ATP6V1B2: variants seen among roughly 807,000 people sequenced by gnomAD.
The protein encoded by ATP6V1B2 is ATPase H+ transporting V1 subunit B2, also known as V-type proton ATPase subunit B, brain isoform.
ATP6V1B2 carries 23 observed loss-of-function variants against 66.7 expected under a neutral mutation model. That is an observed-to-expected ratio of 0.34 (90% CI 0.25 to 0.49). The LOEUF is 0.49. Among genes scored for constraint, ATP6V1B2 ranks in the 20% least tolerant of loss-of-function variants. The pLI is 0.99. For synonymous variants in ATP6V1B2, 278 were observed against 236.7 expected (o/e 1.17, Z -1.60); for missense variants, 478 against 650.8 (o/e 0.73, Z 2.89).
At chr8:20,198,373 G>A (rs1296149985) in intron 1 of ATP6V1B2, among the ~76,000 whole-genome samples, 1 of 152,226 alleles carries the variant, frequency 6.6e-6, no homozygotes, top group Admixed American at 6.5e-5. Flanking sequence ...TTGCCCATAG[G>A]TGGTGTGTGT....
At chr8:20,218,103 G>T in intron 12 of ATP6V1B2, 50 bp from the exon 13 acceptor site, 1 of 1,598,410 alleles carries the variant, frequency 6.3e-7, no homozygotes, top group South Asian at 1.1e-5. Context: ...CCAGATGACT[G>T]AACATTTTGA....
chr8:20,211,181 G>A lies in ATP6V1B2; in HGVS notation c.468G>A (p.Gln156=), dbSNP rs1290633052. 3 of 1,611,262 alleles carry A rather than the reference G, an allele frequency of 1.9e-6. No homozygotes were observed. Among genetic ancestry groups the A allele is most frequent in the Admixed American group, 3.4e-5 (2 of 59,070 alleles). The change falls in exon 6 of 14, where the codon CAG becomes CAA. Residue 156 remains glutamine, a synonymous_variant. Coordinates refer to ENST00000276390, the MANE Select transcript of ATP6V1B2 (RefSeq NM_001693.4). ...TCCTTTTTGGAAATACATTAGGTCA[G>A]CCAATCAACCCTCAATGTCGAATCT... The part of the protein sequence containing the change: ...LAEDFLDIMG[Q]PINPQCRIYP...
At chr8:20,214,358 T>C (rs2072828637) in intron 9 of ATP6V1B2, 2 of 152,466 alleles carry the variant, frequency 1.3e-5, no homozygotes, top group African/African-American at 4.8e-5. Context: ...ATAGGGTTGC[T>C]GTGAGGATTA....
intron 11 of ATP6V1B2, 168 bp downstream of exon 11, chr8:20,216,663 G>C: frequency 1.8e-6 from 1 of 549,038 alleles, no homozygotes; most frequent in East Asian, 3.2e-5. Context: ...TCTGGTGTCG[G>C]CAGAGCGCCA....
At chr8:20,203,570 T>C (rs191128190) in intron 1 of ATP6V1B2, among the ~76,000 whole-genome samples, 3 of 152,218 alleles carry the variant, frequency 2.0e-5, no homozygotes, top group East Asian at 1.9e-4. Flanking sequence ...TTAGGCCTTA[T>C]AGTAAATTTT....
intron 1 of ATP6V1B2, among the ~76,000 whole-genome samples, chr8:20,199,979 A>T (rs1469527205): frequency 7.4e-6 from 1 of 135,184 alleles, no homozygotes; most frequent in African/African-American, 2.9e-5. Flanking sequence ...TTAAGGGGAC[A>T]TGTAATTATA....
chr8:20,210,219 CATT>C, intron 3 of ATP6V1B2, 124 bp from the exon 4 acceptor site: 1 of 738,708 alleles, frequency 1.4e-6, no homozygotes, highest in Non-Finnish European at 2.1e-6. Context: ...TTTCTTTGCT[CATT>C]ATATCAAAAG....
chr8:20,204,470 G>T lies in ATP6V1B2; in HGVS notation c.137-14G>T, dbSNP rs756828947. On this transcript the variant is annotated splice_polypyrimidine_tract_variant and intron_variant, in intron 1 of 13. Coordinates refer to ENST00000276390, the MANE Select transcript of ATP6V1B2 (RefSeq NM_001693.4). ...CTATTTGACTAAAACTGACTCTTCT[G>T]TATTTCTTTCCAGCATACAAGACAG... 2 of 1,609,524 alleles carry T rather than the reference G, an allele frequency of 1.2e-6. No individual in the cohort carries two copies. Among genetic ancestry groups the T allele is most frequent in the South Asian group, 2.2e-5 (2 of 90,646 alleles).
intron 1 of ATP6V1B2, among the ~76,000 whole-genome samples, chr8:20,200,669 T>C (rs2072677016): frequency 6.6e-6 from 1 of 152,222 alleles, no homozygotes; most frequent in Non-Finnish European, 1.5e-5. Context: ...CATAGAGCTT[T>C]CGGGTGCTAT....
At chr8:20,209,630 G>C (rs374387492) in intron 3 of ATP6V1B2, 99 bp downstream of exon 3, 2 of 1,138,244 alleles carry the variant, frequency 1.8e-6, no homozygotes, top group African/African-American at 3.1e-5. Context: ...AGTGTTTTTA[G>C]AGTCTTTAGA....
rs780946108 is a variant in ATP6V1B2, at chr8:20,220,351, C to T, written c.1485C>T (p.Ile495=). ...RIFPKEMLKR[I]PQSTLSEFYP... Reference sequence around the variant, plus strand: ...TCCCCAAAGAAATGCTGAAGAGAATCCCTCAGAGCACCCTCAGCGAATTTT... The same window carrying T: ...TCCCCAAAGAAATGCTGAAGAGAATTCCTCAGAGCACCCTCAGCGAATTTT... Residue 495 remains isoleucine, a synonymous_variant, in exon 14 of 14, where the codon ATC becomes ATT. Transcript: ENST00000276390. 5.0e-6 allele frequency: 8 copies of T among 1,596,904 alleles called. No homozygotes were observed. Among genetic ancestry groups the T allele is most frequent in the Admixed American group, 1.8e-5 (1 of 55,584 alleles).
Position 20,216,459 on chromosome 8 carries a change from G to A in ATP6V1B2, c.1125G>A (p.Gly375=). Residue 375 remains glycine (G), a synonymous_variant, in exon 11 of 14, where the codon GGG becomes GGA. Coordinates refer to ENST00000276390, the MANE Select transcript of ATP6V1B2 (RefSeq NM_001693.4). ...IPDLTGYITE[G]QIYVDRQLHN... is the part of the protein sequence containing the mutation. ...ACTTGACTGGCTACATTACAGAGGGGCAGATCTATGTGGACAGACAGCTGC... is the reference window on the plus strand; with the variant it reads ...ACTTGACTGGCTACATTACAGAGGGACAGATCTATGTGGACAGACAGCTGC... 2 of 1,613,258 alleles carry A rather than the reference G, an allele frequency of 1.2e-6. No individual in the cohort carries two copies. The highest frequency in any genetic ancestry group is 1.7e-6 in the Non-Finnish European group (2 of 1,179,526).
rs368775209 is a variant in ATP6V1B2, at chr8:20,221,297, C to T, written c.*895C>T. The T allele has an allele frequency of 8.5e-5, 13 of 152,332 alleles. No homozygotes were observed. Among genetic ancestry groups the T allele is most frequent in the East Asian group, 5.8e-4 (3 of 5,180 alleles). The allele number at this position is 152,332 out of a possible 1,614,324, so 9.4% of individuals were successfully genotyped here. On this transcript the variant is annotated 3_prime_UTR_variant, in exon 14 of 14. Coordinates refer to ENST00000276390, the MANE Select transcript of ATP6V1B2 (RefSeq NM_001693.4). ...GAGGGAGCAGAAGCACTTATGTTTA[C>T]GGATATTTTAAACTCTGTTAGAGAG...
chr8:20,207,680 T>C (rs549443777), intron 2 of ATP6V1B2, among the ~76,000 whole-genome samples: 31 of 151,908 alleles, frequency 2.0e-4, no homozygotes, highest in African/African-American at 7.5e-4. Context: ...TGTTTTATTA[T>C]GTAAAAAGTG....
intron 11 of ATP6V1B2, 185 bp downstream of exon 11, chr8:20,216,680 A>G: frequency 1.9e-6 from 1 of 521,912 alleles, no homozygotes; most frequent in Non-Finnish European, 3.3e-6. Context: ...GCCAGAATTA[A>G]GAATCTTCTT....
In ATP6V1B2 at chr8:20,197,525, T is replaced by G; in HGVS notation, c.119T>G (p.Leu40Arg). 6.9e-7 allele frequency: 1 copy of G among 1,449,002 alleles called. No homozygotes were observed. Among genetic ancestry groups the G allele is most frequent in the Non-Finnish European group, 9.1e-7 (1 of 1,095,232 alleles). The allele number at this position is 1,449,002 out of a possible 1,614,324, so 89.8% of individuals were successfully genotyped here. A position where few individuals can be genotyped will look rare whatever the true frequency, so the allele number is the denominator to read the frequency against. Residue 40 changes from leucine to arginine, a missense_variant, in exon 1 of 14, where the codon CTC (leucine) becomes CGC (arginine). Physicochemically the swap from Leu to Arg is moderately radical, Grantham distance 102. This residue lies in a region of ATP6V1B2 where 152 missense variants were observed against 105.2 expected (regional missense o/e 1.44). Coordinates refer to ENST00000276390, the MANE Select transcript of ATP6V1B2 (RefSeq NM_001693.4). ...GCGCTGGCAGTCAGTCGGAACTACCTCTCCCAGCCTCGCCTCAGTGAGTAT... is the reference window on the plus strand; with the variant it reads ...GCGCTGGCAGTCAGTCGGAACTACCGCTCCCAGCCTCGCCTCAGTGAGTAT... ...EQALAVSRNY[L>R]SQPRLTYKTV... is the part of the protein sequence containing the mutation.
In ATP6V1B2 at chr8:20,218,224, A is replaced by T; in HGVS notation, c.1338A>T (p.Ser446=). 4 of 1,613,496 alleles carry T rather than the reference A, an allele frequency of 2.5e-6. No homozygotes were observed. The highest frequency in any genetic ancestry group is 3.4e-6 in the Non-Finnish European group (4 of 1,179,522). Residue 446 remains serine, a synonymous_variant, in exon 13 of 14, where the codon TCA becomes TCT. Coordinates refer to ENST00000276390, the MANE Select transcript of ATP6V1B2 (RefSeq NM_001693.4). The stretch of plus-strand genomic sequence containing the variant: ...TCGTTGGAGAAGAAGCCCTTACCTC[A>T]GATGATCTTCTCTACTTGGAATTTC... The part of the protein sequence containing the change: ...KAVVGEEALT[S]DDLLYLEFLQ...
In ATP6V1B2 at chr8:20,210,553, T is replaced by G; in HGVS notation, c.386-16T>G. On this transcript the variant is annotated splice_polypyrimidine_tract_variant and intron_variant, in intron 4 of 13. Transcript: ENST00000276390. ...AGTCAGCATCTACTCTGTCCTGTCT[T>G]CTTACTGATTTCTAGGTCGGGTATT... 1 of 1,613,362 alleles carries G rather than the reference T, an allele frequency of 6.2e-7. No individual in the cohort carries two copies. Among genetic ancestry groups the G allele is most frequent in the South Asian group, 1.1e-5 (1 of 91,076 alleles).
chr8:20,208,251 G>T (rs1003925644), intron 2 of ATP6V1B2, among the ~76,000 whole-genome samples: 1 of 152,194 alleles, frequency 6.6e-6, no homozygotes, highest in Non-Finnish European at 1.5e-5. Context: ...TTCTGTGCTA[G>T]TGTAAATTTG....
Sources: allele counts gnomAD v4.1 joint callset (sites outside exome capture counted in the v4.1 genomes callset), GRCh38; gene constraint gnomAD v4.1.1; regional missense constraint gnomAD v4.1.1; transcripts MANE v1.5; gene names NCBI Gene and HGNC (gene_info 2026-07-23, HGNC 2026-07-21).